FOXO3: variants seen among roughly 807,000 people sequenced by gnomAD.
The protein encoded by FOXO3 is forkhead box protein O3.
Under a neutral mutation model 41.9 loss-of-function variants are expected in FOXO3, and 4 were observed. The ratio of observed to expected loss-of-function variants is 0.10; its 90% CI spans 0.05 to 0.22. The LOEUF (loss-of-function observed/expected upper bound fraction) is 0.22. FOXO3 is among the 10% of genes least tolerant of loss of function. The pLI is 1.00. For missense variants in FOXO3, 534 were observed against 906.8 expected (o/e 0.59, Z 5.28); for synonymous variants, 318 against 389.3 (o/e 0.82, Z 2.16).
intron 2 of FOXO3, among the ~76,000 whole-genome samples, chr6:108,667,951 C>T (rs1282947938): frequency 6.6e-6 from 1 of 152,178 alleles, no homozygotes; most frequent in Non-Finnish European, 1.5e-5. Flanking sequence ...CAGCCAGGAG[C>T]ACATGCAACC....
rs71015551 is a variant in FOXO3 at position 108,569,987 on chromosome 6, G to GTTTTTTTTTTTTTTTTT, written c.621+8172_621+8188dup. ...TCCACATCATGTTTTCCCTTGCGTG[G>GTTTTTTTTTTTTTTTTT]TTTTTTTTTTTTTTTTTTTTTTTTT... On this transcript the variant is annotated intron_variant, in intron 1 of 2. Transcript: ENST00000406360. Among the ~76,000 whole-genome samples, 19 of 73,264 alleles carry GTTTTTTTTTTTTTTTTT rather than the reference G, an allele frequency of 2.6e-4. 2 individuals carry two copies. The highest frequency in any genetic ancestry group is 3.6e-4 in the Non-Finnish European group (15 of 41,564). 48.1% of individuals were successfully genotyped at this position (73,264 alleles called of 152,430 possible). A position where few individuals can be genotyped will look rare whatever the true frequency, so the allele number is the denominator to read the frequency against.
Position 108,629,336 on chromosome 6 carries a change from G to GGGTTGTGTAATTTTC in FOXO3, c.622-34116_622-34102dup, listed in dbSNP as rs532087448. The stretch of plus-strand genomic sequence containing the variant: ...GAAAGGCAGGTAAGATTGAGAATAA[G>GGGTTGTGTAATTTTC]GGTTGTGTAATTTTCGGGTGCCTTC... On this transcript the variant is annotated intron_variant, in intron 1 of 2. Coordinates refer to ENST00000406360, the MANE Select transcript of FOXO3 (RefSeq NM_001455.4). Among the ~76,000 whole-genome samples the GGGTTGTGTAATTTTC allele has an allele frequency of 7.2e-5, 11 of 152,236 alleles. No individual in the cohort carries two copies. In the East Asian group the frequency reaches 2.1e-3, roughly 29 times the overall value.
upstream of FOXO3, among the ~76,000 whole-genome samples, chr6:108,560,377 C>T (rs1934178140): frequency 6.6e-6 from 1 of 152,218 alleles, no homozygotes; most frequent in Admixed American, 6.5e-5. Flanking sequence ...AAGTGGCCGT[C>T]CCCGCCGGGC....
chr6:108,628,113 G>A (rs559592063), intron 1 of FOXO3, among the ~76,000 whole-genome samples: 5 of 150,306 alleles, frequency 3.3e-5, no homozygotes, highest in Admixed American at 6.6e-5. Context: ...CTGGAAAAAA[G>A]CCTGGCAGAG....
At chr6:108,675,738 T>C (rs1194038938) in intron 2 of FOXO3, among the ~76,000 whole-genome samples, 1 of 152,170 alleles carries the variant, frequency 6.6e-6, no homozygotes, top group Non-Finnish European at 1.5e-5. Flanking sequence ...TTGATAACCT[T>C]CATGGATTTG....
intron 1 of FOXO3, among the ~76,000 whole-genome samples, chr6:108,579,511 T>A (rs183143390): frequency 6.6e-6 from 1 of 152,198 alleles, no homozygotes; most frequent in Non-Finnish European, 1.5e-5. Context: ...ACCAGGGACT[T>A]GTACACATTG....
intron 1 of FOXO3, among the ~76,000 whole-genome samples, chr6:108,562,689 C>G (rs1388257100): frequency 6.6e-6 from 1 of 152,160 alleles, no homozygotes; most frequent in Non-Finnish European, 1.5e-5. Flanking sequence ...GTAATGGCTT[C>G]TACCTGTAAA....
At position 108,684,217 on chromosome 6, in the gene FOXO3, A is replaced by T. The variant is rs1161779504; in HGVS notation, c.*4425A>T. On this transcript the variant is annotated 3_prime_UTR_variant, in exon 3 of 3. Coordinates refer to ENST00000406360, the MANE Select transcript of FOXO3 (RefSeq NM_001455.4). ...CAGTCTTCTCTTGTATACTTGTCCT[A>T]GCACATTATGTACATGGGAAATGTA... 3.3e-5 allele frequency: 5 copies of T among 152,714 alleles called. No individual in the cohort carries two copies. The highest frequency in any genetic ancestry group is 1.2e-4 in the African/African-American group (5 of 41,546). 9.5% of individuals were successfully genotyped at this position (152,714 alleles called of 1,614,324 possible). A position where few individuals can be genotyped will look rare whatever the true frequency, so the allele number is the denominator to read the frequency against.
intron 1 of FOXO3, among the ~76,000 whole-genome samples, chr6:108,624,479 A>G (rs1562248551): frequency 6.6e-6 from 1 of 152,200 alleles, no homozygotes; most frequent in Admixed American, 6.5e-5. Context: ...AGTGGCAAGA[A>G]GAAAGCTATG....
chr6:108,615,377 T>G (rs1582780299), intron 1 of FOXO3, among the ~76,000 whole-genome samples: 2 of 152,254 alleles, frequency 1.3e-5, no homozygotes, highest in South Asian at 4.1e-4. Context: ...TAGGTATAAA[T>G]TTCTAGATTG....
chr6:108,644,350 G>A (rs963768059), intron 1 of FOXO3, among the ~76,000 whole-genome samples: 2 of 152,274 alleles, frequency 1.3e-5, no homozygotes, highest in South Asian at 2.1e-4. Context: ...AAATGTTAGC[G>A]TTTTTATTAT....
At chr6:108,605,275 C>T (rs1458956187) in intron 1 of FOXO3, among the ~76,000 whole-genome samples, 1 of 152,118 alleles carries the variant, frequency 6.6e-6, no homozygotes, top group Non-Finnish European at 1.5e-5. Flanking sequence ...CCCACCACCA[C>T]ACCTGGATAA....
intron 1 of FOXO3, among the ~76,000 whole-genome samples, chr6:108,595,246 ATG>A (rs1776846591): frequency 6.6e-6 from 1 of 152,194 alleles, no homozygotes; most frequent in African/African-American, 2.4e-5. Flanking sequence ...TTAGGTAGTG[ATG>A]TGGAATGCAA....
At chr6:108,577,887 C>T (rs1444460538) in intron 1 of FOXO3, among the ~76,000 whole-genome samples, 2 of 152,178 alleles carry the variant, frequency 1.3e-5, no homozygotes, top group Non-Finnish European at 2.9e-5. Flanking sequence ...CTGGGGTCTC[C>T]TCTTCTTTAA....
chr6:108,624,916 C>A (rs1014158431), intron 1 of FOXO3, among the ~76,000 whole-genome samples: 4 of 152,028 alleles, frequency 2.6e-5, no homozygotes, highest in African/African-American at 9.7e-5. Flanking sequence ...ATTGGAGATA[C>A]AAGCCACCAC....
chr6:108,631,467 C>G (rs975512059), intron 1 of FOXO3, among the ~76,000 whole-genome samples: 10 of 152,072 alleles, frequency 6.6e-5, no homozygotes, highest in Non-Finnish European at 2.9e-5. Context: ...CTGCATATGG[C>G]TTTATTTTCT....
At chr6:108,568,378 C>G (rs773618907) in intron 1 of FOXO3, among the ~76,000 whole-genome samples, 5 of 152,106 alleles carry the variant, frequency 3.3e-5, no homozygotes, top group East Asian at 1.9e-4. Context: ...TAGGCTAGCT[C>G]GCACTGGAGT....
intron 1 of FOXO3, among the ~76,000 whole-genome samples, chr6:108,576,193 T>G (rs1776256950): frequency 6.6e-6 from 1 of 152,262 alleles, no homozygotes; most frequent in African/African-American, 2.4e-5. Context: ...ACATGTCCTC[T>G]GCTGAACTGA....
chr6:108,601,870 T>C (rs748149825), intron 1 of FOXO3, among the ~76,000 whole-genome samples: 10 of 152,220 alleles, frequency 6.6e-5, no homozygotes, highest in Non-Finnish European at 1.3e-4. Context: ...CTAGGTTACA[T>C]TTTATTTATT....
Sources: gnomAD v4.1 joint callset for allele counts (sites outside exome capture counted in the v4.1 genomes callset) on GRCh38, gnomAD v4.1.1 for gene constraint, MANE v1.5 for transcripts, NCBI Gene and HGNC (gene_info 2026-07-23, HGNC 2026-07-21) for gene names.